Variants in TVP23A observed in about 807,000 individuals in gnomAD.
The protein encoded by TVP23A is trans-golgi network vesicle protein 23 homolog A, also known as Golgi apparatus membrane protein TVP23 homolog A.
A neutral mutation model predicts 31.7 loss-of-function variants in TVP23A; 21 were observed. The ratio of observed to expected loss-of-function variants is 0.66; its 90% CI spans 0.47 to 0.95. TVP23A has a LOEUF of 0.95. Among genes scored for constraint, TVP23A ranks in the 40% least tolerant of loss-of-function variants. The pLI, the probability that TVP23A is intolerant of heterozygous loss-of-function variation, is 0.00. For synonymous variants in TVP23A, 104 were observed against 96.0 expected, an observed-to-expected ratio of 1.08 and a Z score of -0.49; for missense variants, 279 against 255.6, an observed-to-expected ratio of 1.09 and a Z score of -0.62.
chr16:10,774,081 T>C lies in TVP23A; in HGVS notation c.282A>G (p.Ile94Met), dbSNP rs770732744. The C allele has an allele frequency of 5.6e-6, 9 of 1,612,112 alleles. No homozygotes were observed. The South Asian group carries it at 1.0e-4, about 18-fold the overall frequency. The part of the protein sequence containing the change: ...LLVGLRWWNQ[I>M]DEDGKSHWIF... ...TCCAGTGGCTCTTCCCATCTTCATC[T>C]ATCTGGTTCCACCATCGAAGGCCCA... The change falls in exon 4 of 8, where the codon ATA becomes ATG. Residue 94 changes from isoleucine (I) to methionine (M), a missense_variant. Coordinates refer to ENST00000299866, the MANE Select transcript of TVP23A (RefSeq NM_001079512.4).
At chr16:10,806,646 C>T (rs1459252147) in intron 2 of TVP23A, among the ~76,000 whole-genome samples, 2 of 152,136 alleles carry the variant, frequency 1.3e-5, no homozygotes, top group African/African-American at 4.8e-5. Context: ...GGATTACAGG[C>T]GCCTGCCATC....
At chr16:10,773,111 G>A (rs935657667) in intron 5 of TVP23A, among the ~76,000 whole-genome samples, 5 of 152,222 alleles carry the variant, frequency 3.3e-5, no homozygotes, top group Non-Finnish European at 7.3e-5. Context: ...CCAAAGGCCT[G>A]GGATTATAGG....
chr16:10,785,022 G>A (rs2032660580), intron 2 of TVP23A, among the ~76,000 whole-genome samples: 2 of 152,060 alleles, frequency 1.3e-5, no homozygotes, highest in Admixed American at 6.6e-5. Flanking sequence ...CCTTGAATCC[G>A]GGAGGCGGTG....
At chr16:10,778,695 G>A (rs1158378014) in intron 2 of TVP23A, among the ~76,000 whole-genome samples, 1 of 151,938 alleles carries the variant, frequency 6.6e-6, no homozygotes, top group Non-Finnish European at 1.5e-5. Flanking sequence ...GTCGGGCGCG[G>A]TGGCCCATGC....
chr16:10,798,256 CT>C (rs553499664), intron 2 of TVP23A, among the ~76,000 whole-genome samples: 94 of 151,808 alleles, frequency 6.2e-4, no homozygotes, highest in Middle Eastern at 6.8e-3. Context: ...CGCGCCCGGC[CT>C]TTTTTTTCTT....
intron 2 of TVP23A, among the ~76,000 whole-genome samples, chr16:10,780,984 G>A (rs1455278251): frequency 6.6e-6 from 1 of 152,104 alleles, no homozygotes; most frequent in Non-Finnish European, 1.5e-5. Flanking sequence ...TTGAACAGGT[G>A]CTATTTCCAC....
Position 10,775,021 on chromosome 16 carries a change from G to GA in TVP23A, c.164dup (p.Ser56GlnfsTer41). On this transcript the variant is annotated frameshift_variant, in exon 3 of 8. Transcript: ENST00000299866. LOFTEE classifies it high-confidence loss of function. ...CAAAACAGCCCACAAAGCTCTTGCT[G>GA]AACCAGTCGCAGCTCACGTAGGTGA... 1.9e-6 allele frequency: 3 copies of GA among 1,612,564 alleles called. No individual in the cohort carries two copies. The highest frequency in any genetic ancestry group is 2.5e-6 in the Non-Finnish European group (3 of 1,179,238).
rs2031638430 is a variant in TVP23A, at chr16:10,771,725, T to C, written c.527A>G (p.Asn176Ser). 3 of 1,612,384 alleles carry C rather than the reference T, an allele frequency of 1.9e-6. No individual in the cohort carries two copies. In the South Asian group the frequency reaches 3.3e-5, roughly 18 times the overall value. Residue 176 changes from asparagine to serine, a missense_variant, in exon 6 of 8, where the codon AAC becomes AGC. Coordinates refer to ENST00000299866, the MANE Select transcript of TVP23A (RefSeq NM_001079512.4). Reference sequence around the variant, plus strand: ...GGCTGTGACCTTGCCAATGTCACTGTTGCCTCCCATCTTACAAAGGATGTA... The same window carrying C: ...GGCTGTGACCTTGCCAATGTCACTGCTGCCTCCCATCTTACAAAGGATGTA... ...YGYILCKMGG[N>S]SDIGKVTASF... is the part of the protein sequence containing the mutation.
chr16:10,798,671 GTTT>G (rs1567305425), intron 2 of TVP23A, among the ~76,000 whole-genome samples: 1 of 151,944 alleles, frequency 6.6e-6, no homozygotes, highest in African/African-American at 2.4e-5. Flanking sequence ...TTTTGTTTTT[GTTT>G]TTGTTTTTGA....
At chr16:10,797,947 TTC>T (rs1284839760) in intron 2 of TVP23A, among the ~76,000 whole-genome samples, 2 of 149,222 alleles carry the variant, frequency 1.3e-5, no homozygotes, top group Non-Finnish European at 3.0e-5. Flanking sequence ...TAAATATTTT[TTC>T]TTTTTCTTTT....
chr16:10,767,773 C>T lies in TVP23A; in HGVS notation c.*1329G>A. On this transcript the variant is annotated 3_prime_UTR_variant, in exon 8 of 8. Coordinates refer to ENST00000299866, the MANE Select transcript of TVP23A (RefSeq NM_001079512.4). This position sits in a 1 kb window ranked among gnomAD's most constrained non-coding sequence, Gnocchi z 4.6. ...CCACGCTGAAATGCTGGCTGGGGAC[C>T]CTGCTGGAAGGAAGGTCCCTGAGAC... The T allele has an allele frequency of 1.6e-6, 1 of 608,492 alleles. No individual in the cohort carries two copies. The highest frequency in any genetic ancestry group is 2.9e-6 in the Non-Finnish European group (1 of 343,936). The allele number at this position is 608,492 out of a possible 1,614,324, so 37.7% of individuals were successfully genotyped here.
At chr16:10,810,067 T>C (rs2034124066) in intron 2 of TVP23A, among the ~76,000 whole-genome samples, 2 of 152,040 alleles carry the variant, frequency 1.3e-5, no homozygotes, top group Admixed American at 1.3e-4. Context: ...AGGAATGAAA[T>C]AATGGTAAAC....
At chr16:10,772,672 G>A in intron 5 of TVP23A, among the ~76,000 whole-genome samples, 1 of 152,120 alleles carries the variant, frequency 6.6e-6, no homozygotes, top group East Asian at 1.9e-4. Flanking sequence ...GCCAGCCTGT[G>A]TGAGTCCATT....
At chr16:10,790,379 G>T (rs2033036990) in intron 2 of TVP23A, among the ~76,000 whole-genome samples, 1 of 147,412 alleles carries the variant, frequency 6.8e-6, no homozygotes, top group African/African-American at 2.5e-5. Flanking sequence ...CCGCCTTCCA[G>T]GTTGATGCCA....
chr16:10,785,120 C>T (rs959970217), intron 2 of TVP23A, among the ~76,000 whole-genome samples: 3 of 142,672 alleles, frequency 2.1e-5, no homozygotes, highest in Non-Finnish European at 3.0e-5. Flanking sequence ...AAAAATAGAG[C>T]CAGGCCGGGC....
At chr16:10,776,103 G>A (rs996855021) in intron 2 of TVP23A, among the ~76,000 whole-genome samples, 11 of 151,688 alleles carry the variant, frequency 7.3e-5, no homozygotes, top group South Asian at 2.1e-4. Flanking sequence ...GGCCAGGCAC[G>A]GTGGCTCACA....
chr16:10,807,881 C>T (rs962728462), intron 2 of TVP23A, among the ~76,000 whole-genome samples: 2 of 152,154 alleles, frequency 1.3e-5, no homozygotes, highest in Non-Finnish European at 2.9e-5. Flanking sequence ...CAAATCTCCT[C>T]TGTTTTTTCT....
chr16:10,809,393 C>T (rs1417728813), intron 2 of TVP23A, among the ~76,000 whole-genome samples: 1 of 152,252 alleles, frequency 6.6e-6, no homozygotes. Context: ...CCCACTGCCC[C>T]TGCACTGGAG....
intron 2 of TVP23A, among the ~76,000 whole-genome samples, chr16:10,791,495 G>C (rs1247013475): frequency 6.6e-6 from 1 of 152,194 alleles, no homozygotes; most frequent in Non-Finnish European, 1.5e-5. Context: ...CAAGCAAGCT[G>C]GAAGCTTCCA....
Sources: gnomAD v4.1 joint callset for allele counts (sites outside exome capture counted in the v4.1 genomes callset) on GRCh38, gnomAD v4.1.1 for gene constraint, Gnocchi (gnomAD v3.1) non-coding constraint, MANE v1.5 for transcripts, NCBI Gene and HGNC (gene_info 2026-07-23, HGNC 2026-07-21) for gene names.